The following SNX29 variants were observed in gnomAD, a reference collection of about 807,000 sequenced individuals.
The protein encoded by SNX29 is sorting nexin-29.
A neutral mutation model predicts 102.1 loss-of-function variants in SNX29; 78 were observed. The observed-to-expected ratio is 0.76, with a 90% CI of 0.64 to 0.92. The LOEUF (loss-of-function observed/expected upper bound fraction) is 0.92, where lower values mean the gene tolerates loss of function less well. SNX29 is among the 40% of genes least tolerant of loss of function. The pLI, the probability that SNX29 is intolerant of heterozygous loss-of-function variation, is 0.00. For missense variants in SNX29, 1,280 were observed against 1,061.7 expected (o/e 1.21, Z -2.86); for synonymous variants, 580 against 414.5 (o/e 1.40, Z -4.85).
intron 15 of SNX29, among the ~76,000 whole-genome samples, chr16:12,329,692 G>A (rs1332421317): frequency 6.6e-6 from 1 of 152,076 alleles, no homozygotes. Flanking sequence ...CTATGCGTTG[G>A]CTCACAGTTC....
chr16:12,536,891 G>C lies in SNX29; in HGVS notation c.2318+12050G>C, dbSNP rs187065331. On this transcript the variant is annotated intron_variant, in intron 20 of 20. Transcript: ENST00000566228. The stretch of plus-strand genomic sequence containing the variant: ...CTTGGGAGGCTGAGGCAAGATAATC[G>C]CTTGAGCCCGGGAGGTGGAGGTTGC... 3.9e-3 allele frequency among the ~76,000 whole-genome samples: 595 copies of C among 152,226 alleles called. 6 individuals carry two copies. Among genetic ancestry groups the C allele is most frequent in the African/African-American group, 0.014 (574 of 41,536 alleles).
chr16:12,489,883 G>A (rs746208323), intron 19 of SNX29, among the ~76,000 whole-genome samples: 5 of 151,950 alleles, frequency 3.3e-5, no homozygotes, highest in Non-Finnish European at 4.4e-5. Context: ...TTGGCTCACC[G>A]CAACCTCTAC....
At chr16:12,275,680 T>G in intron 14 of SNX29, among the ~76,000 whole-genome samples, 1 of 102,352 alleles carries the variant, frequency 9.8e-6, no homozygotes, top group East Asian at 2.9e-4. Context: ...TTTTTTTGTT[T>G]CCTCTCCAAT....
chr16:12,253,756 C>T (rs1304993079), intron 14 of SNX29, among the ~76,000 whole-genome samples: 1 of 152,098 alleles, frequency 6.6e-6, no homozygotes, highest in African/African-American at 2.4e-5. Context: ...AGAAGGGGGC[C>T]ACTGGAGGAC....
At chr16:12,081,379 A>T (rs2051866550) in intron 11 of SNX29, 1 of 152,196 alleles carries the variant, frequency 6.6e-6, no homozygotes, top group Non-Finnish European at 1.5e-5. Flanking sequence ...CCAAAAGGGA[A>T]TTGTGCCGGA....
At chr16:12,554,369 A>C (rs1567187243) in intron 20 of SNX29, among the ~76,000 whole-genome samples, 1 of 104,036 alleles carries the variant, frequency 9.6e-6, no homozygotes, top group Non-Finnish European at 1.7e-5. Flanking sequence ...CTGTGTCTTG[A>C]AGGTGTTTCT....
chr16:12,273,471 G>A (rs2079152694), intron 14 of SNX29, among the ~76,000 whole-genome samples: 1 of 151,762 alleles, frequency 6.6e-6, no homozygotes. Flanking sequence ...TGATTGTCAT[G>A]CCTCAGCCTC....
chr16:12,555,457 C>T (rs917776742), intron 20 of SNX29, among the ~76,000 whole-genome samples: 5 of 151,966 alleles, frequency 3.3e-5, no homozygotes, highest in African/African-American at 9.7e-5. Flanking sequence ...AGGGTGTTTC[C>T]CTAGTTGACA....
chr16:12,103,499 CTG>C (rs1486717709), intron 11 of SNX29, among the ~76,000 whole-genome samples: 1 of 152,136 alleles, frequency 6.6e-6, no homozygotes, highest in African/African-American at 2.4e-5. Context: ...ATTCAGAAAA[CTG>C]AAACTGGACC....
intron 13 of SNX29, among the ~76,000 whole-genome samples, chr16:12,152,092 G>A (rs1276150920): frequency 6.6e-6 from 1 of 152,144 alleles, no homozygotes; most frequent in Non-Finnish European, 1.5e-5. Flanking sequence ...GTGGTGGTAT[G>A]CGCCTGTAGT....
chr16:12,057,247 A>G (rs1373526054), intron 8 of SNX29, among the ~76,000 whole-genome samples: 2 of 152,364 alleles, frequency 1.3e-5, no homozygotes, highest in East Asian at 3.9e-4. Flanking sequence ...AGTTAAGCAA[A>G]TGCAAAGTGA....
chr16:12,342,929 C>G lies in SNX29; in HGVS notation c.1783-13234C>G, dbSNP rs116079608. Among the ~76,000 whole-genome samples the G allele has an allele frequency of 1.6e-3, 246 of 152,320 alleles. 1 individual carries two copies. The highest frequency in any genetic ancestry group is 5.8e-3 in the African/African-American group (240 of 41,582). ...CATACCCCTTCCTGGGAGGAGCAAGCCAGCCTTTACCTGAAGGAGGCTCTT... is the reference window on the plus strand; with the variant it reads ...CATACCCCTTCCTGGGAGGAGCAAGGCAGCCTTTACCTGAAGGAGGCTCTT... On this transcript the variant is annotated intron_variant, in intron 15 of 20. Transcript: ENST00000566228.
chr16:12,148,138 T>C (rs1167781647), intron 13 of SNX29, among the ~76,000 whole-genome samples: 1 of 152,176 alleles, frequency 6.6e-6, no homozygotes, highest in Admixed American at 6.5e-5. Context: ...GCAGAAGAAC[T>C]TTCCTTCAAA....
At chr16:12,364,213 G>GT (rs1555520060) in intron 16 of SNX29, among the ~76,000 whole-genome samples, 1 of 131,238 alleles carries the variant, frequency 7.6e-6, no homozygotes, top group Non-Finnish European at 1.7e-5. Flanking sequence ...GTTATGTTAT[G>GT]TTATTTTTGT....
At chr16:12,161,255 G>A (rs1389536146) in intron 13 of SNX29, among the ~76,000 whole-genome samples, 2 of 152,218 alleles carry the variant, frequency 1.3e-5, no homozygotes, top group Non-Finnish European at 2.9e-5. Context: ...TTTCCCCTCG[G>A]ATTTTCTTTC....
intron 16 of SNX29, among the ~76,000 whole-genome samples, chr16:12,371,946 T>C (rs2082698881): frequency 6.6e-6 from 1 of 152,178 alleles, no homozygotes; most frequent in Non-Finnish European, 1.5e-5. Context: ...CATTTGTCTT[T>C]TAGAAGACAT....
intron 18 of SNX29, chr16:12,442,846 A>C (rs11075077): frequency 5.5e-6 from 2 of 365,062 alleles, no homozygotes; most frequent in Non-Finnish European, 5.4e-6. Context: ...CTCCCATCTC[A>C]GCCTCACAAG....
At chr16:12,041,332 G>A (rs1474810488) in intron 4 of SNX29, among the ~76,000 whole-genome samples, 1 of 152,068 alleles carries the variant, frequency 6.6e-6, no homozygotes, top group African/African-American at 2.4e-5. Context: ...GGCTGATCTC[G>A]AACCCCTGAC....
chr16:12,415,867 T>G (rs1046455500), intron 18 of SNX29, among the ~76,000 whole-genome samples: 1 of 152,190 alleles, frequency 6.6e-6, no homozygotes, highest in African/African-American at 2.4e-5. Flanking sequence ...TTAGGGATGT[T>G]GGAAAGGGAT....
Sources: gnomAD v4.1 joint callset for allele counts (sites outside exome capture counted in the v4.1 genomes callset) on GRCh38, gnomAD v4.1.1 for gene constraint, MANE v1.5 for transcripts, NCBI Gene and HGNC (gene_info 2026-07-23, HGNC 2026-07-21) for gene names.